Variants in ADAM22 observed in about 807,000 individuals in gnomAD.
ADAM22 encodes the protein disintegrin and metalloproteinase domain-containing protein 22.
In ADAM22, 65 loss-of-function variants were observed where a neutral mutation model predicts 144.6. The ratio of observed to expected loss-of-function variants is 0.45; its 90% CI spans 0.37 to 0.55. The LOEUF (loss-of-function observed/expected upper bound fraction) is 0.55, where lower values mean the gene tolerates loss of function less well. Ranked by LOEUF, ADAM22 falls within the 20% of genes least tolerant of loss-of-function variation. The pLI is 0.00. For missense variants in ADAM22, 974 were observed against 1,184.9 expected, an observed-to-expected ratio of 0.82 and a Z score of 2.61; for synonymous variants, 391 against 412.6, an observed-to-expected ratio of 0.95 and a Z score of 0.63.
chr7:88,033,826 C>G (rs544166087), intron 3 of ADAM22, among the ~76,000 whole-genome samples: 1 of 152,252 alleles, frequency 6.6e-6, no homozygotes, highest in South Asian at 2.1e-4. Flanking sequence ...TGTCCACCAC[C>G]CCACAGGCCC....
intron 3 of ADAM22, among the ~76,000 whole-genome samples, chr7:88,063,626 A>G (rs1810458882): frequency 1.3e-5 from 2 of 152,364 alleles, no homozygotes; most frequent in East Asian, 1.9e-4. Flanking sequence ...TTGAAAGCCC[A>G]GGACAGTGAA....
chr7:88,057,044 A>G (rs968344611), intron 3 of ADAM22, among the ~76,000 whole-genome samples: 9 of 152,248 alleles, frequency 5.9e-5, no homozygotes, highest in Non-Finnish European at 1.2e-4. Flanking sequence ...TATTACAATA[A>G]AAGCTGTATT....
At chr7:88,117,258 T>C (rs917845837) in intron 7 of ADAM22, among the ~76,000 whole-genome samples, 1 of 152,226 alleles carries the variant, frequency 6.6e-6, no homozygotes, top group African/African-American at 2.4e-5. Flanking sequence ...ATTTGTGAAA[T>C]TAGTCATTTC....
chr7:88,000,623 T>C (rs1792320470), intron 3 of ADAM22, among the ~76,000 whole-genome samples: 1 of 152,140 alleles, frequency 6.6e-6, no homozygotes, highest in African/African-American at 2.4e-5. Context: ...TTATAATAAA[T>C]TTTTTAAAAT....
intron 4 of ADAM22, among the ~76,000 whole-genome samples, chr7:88,092,630 C>T (rs1820225015): frequency 6.6e-6 from 1 of 152,176 alleles, no homozygotes; most frequent in South Asian, 2.1e-4. Flanking sequence ...TGATTTAATT[C>T]TCTTTGCATT....
rs111862413 is a variant in ADAM22 at position 87,967,549 on chromosome 7, G to A, written c.247-10787G>A. Among the ~76,000 whole-genome samples, 447 of 152,170 alleles carry A rather than the reference G, an allele frequency of 2.9e-3. 1 individual carries two copies. Among genetic ancestry groups the A allele is most frequent in the African/African-American group, 0.01 (424 of 41,522 alleles). ...GTATAGGCTGGGCATGGTGGCTCAT[G>A]CCTGTAATCCCAGCACTTTGGGAGG... On this transcript the variant is annotated intron_variant, in intron 2 of 31. Transcript: ENST00000413139.
At chr7:88,050,423 G>T (rs1440982390) in intron 3 of ADAM22, among the ~76,000 whole-genome samples, 1 of 116,154 alleles carries the variant, frequency 8.6e-6, no homozygotes, top group Admixed American at 9.7e-5. Context: ...GGAATTAAAA[G>T]AATTATACCA....
chr7:87,968,487 A>G (rs1351483740), intron 2 of ADAM22, among the ~76,000 whole-genome samples: 1 of 152,056 alleles, frequency 6.6e-6, no homozygotes, highest in African/African-American at 2.4e-5. Context: ...GCAGTGACCT[A>G]TGATCGCATC....
intron 3 of ADAM22, among the ~76,000 whole-genome samples, chr7:88,047,393 T>C (rs1259961401): frequency 5.3e-5 from 8 of 152,226 alleles, no homozygotes; most frequent in Admixed American, 5.2e-4. Flanking sequence ...CTGATTTGAC[T>C]GTTCTAATTC....
Position 88,095,383 on chromosome 7 carries a change from A to G in ADAM22, c.391-12793A>G, listed in dbSNP as rs74448147. Among the ~76,000 whole-genome samples the G allele has an allele frequency of 2.0e-3, 307 of 152,336 alleles. 2 individuals are homozygous for G. The highest frequency in any genetic ancestry group is 6.9e-3 in the African/African-American group (285 of 41,588). Reference sequence around the variant, plus strand: ...AATAAGTGAAAGAATTAATCCAGGTATTAGAAAATTGAGTGGTTTCTCCTG... The same window carrying G: ...AATAAGTGAAAGAATTAATCCAGGTGTTAGAAAATTGAGTGGTTTCTCCTG... On this transcript the variant is annotated intron_variant, in intron 4 of 31. Coordinates refer to ENST00000413139, the MANE Select transcript of ADAM22 (RefSeq NM_001324418.2).
At chr7:88,139,172 CTT>C (rs1833890849) in intron 14 of ADAM22, among the ~76,000 whole-genome samples, 1 of 152,174 alleles carries the variant, frequency 6.6e-6, no homozygotes, top group African/African-American at 2.4e-5. Context: ...AATCCCAGCA[CTT>C]TGGGAGGCCG....
intron 25 of ADAM22, among the ~76,000 whole-genome samples, chr7:88,170,206 T>TAAAG (rs1365163401): frequency 6.6e-6 from 1 of 152,056 alleles, no homozygotes; most frequent in Admixed American, 6.6e-5. Flanking sequence ...CTACAGTATC[T>TAAAG]TCTTTATAAA....
At chr7:88,192,495 T>C (rs1219976566) in intron 30 of ADAM22, among the ~76,000 whole-genome samples, 2 of 152,178 alleles carry the variant, frequency 1.3e-5, no homozygotes, top group African/African-American at 2.4e-5. Flanking sequence ...AATTAGACCA[T>C]TTTTGTATGT....
At chr7:88,017,162 A>G (rs1796717883) in intron 3 of ADAM22, among the ~76,000 whole-genome samples, 1 of 152,164 alleles carries the variant, frequency 6.6e-6, no homozygotes, top group Non-Finnish European at 1.5e-5. Flanking sequence ...AAAAAAATAC[A>G]AATTTACAGC....
chr7:87,963,384 A>G (rs1848394506), intron 2 of ADAM22, among the ~76,000 whole-genome samples: 2 of 152,304 alleles, frequency 1.3e-5, no homozygotes, highest in South Asian at 2.1e-4. Flanking sequence ...AAATTAAATA[A>G]AAAGTGACCT....
chr7:88,142,692 G>T (rs1467119146), intron 14 of ADAM22, among the ~76,000 whole-genome samples: 1 of 152,052 alleles, frequency 6.6e-6, no homozygotes, highest in African/African-American at 2.4e-5. Flanking sequence ...CAAAAAATTA[G>T]CTGGGCATGG....
intron 4 of ADAM22, among the ~76,000 whole-genome samples, chr7:88,080,682 C>A (rs1218048968): frequency 6.6e-6 from 1 of 152,100 alleles, no homozygotes. Flanking sequence ...ACCGATCCCA[C>A]AGAAATACAA....
At position 87,935,114 on chromosome 7, in the gene ADAM22, C is replaced by T. The variant is rs1840904549; in HGVS notation, c.174C>T (p.Arg58=). Residue 58 remains arginine (R), a synonymous_variant, in exon 2 of 32, where the codon CGC becomes CGT. Transcript: ENST00000413139. Reference sequence around the variant, plus strand: ...TCGTGCCACTGCGCCTCATCTACCGCTCGGGCGGCGAAGACGAAAGTCGGC... The same window carrying T: ...TCGTGCCACTGCGCCTCATCTACCGTTCGGGCGGCGAAGACGAAAGTCGGC... The part of the protein sequence containing the change: ...QSIVPLRLIY[R]SGGEDESRHD... 2 of 1,613,774 alleles carry T rather than the reference C, an allele frequency of 1.2e-6. No individual in the cohort carries two copies. Among genetic ancestry groups the T allele is most frequent in the Non-Finnish European group, 8.5e-7 (1 of 1,179,960 alleles).
intron 2 of ADAM22, among the ~76,000 whole-genome samples, chr7:87,965,512 A>G (rs1283963552): frequency 1.3e-5 from 2 of 152,190 alleles, no homozygotes; most frequent in African/African-American, 2.4e-5. Context: ...AAAGGCCTTT[A>G]TACACCATGT....
Sources: allele counts gnomAD v4.1 joint callset (sites outside exome capture counted in the v4.1 genomes callset), GRCh38; gene constraint gnomAD v4.1.1; transcripts MANE v1.5; gene names NCBI Gene and HGNC (gene_info 2026-07-23, HGNC 2026-07-21).